The following CLMN variants were observed in gnomAD, a reference collection of about 807,000 sequenced individuals.
CLMN encodes the protein calmin.
A neutral mutation model predicts 92.7 loss-of-function variants in CLMN; 57 were observed. The observed-to-expected ratio is 0.61, with a 90% CI of 0.50 to 0.77. The LOEUF (loss-of-function observed/expected upper bound fraction) is 0.77. Among genes scored for constraint, CLMN ranks in the 30% least tolerant of loss-of-function variants. The pLI is 0.00. For synonymous variants in CLMN, 466 were observed against 470.6 expected, an observed-to-expected ratio of 0.99 and a Z score of 0.13; for missense variants, 1,158 against 1,237.5, an observed-to-expected ratio of 0.94 and a Z score of 0.96.
At chr14:95,241,685 G>C (rs530510967) in intron 1 of CLMN, among the ~76,000 whole-genome samples, 3 of 152,354 alleles carry the variant, frequency 2.0e-5, no homozygotes, top group South Asian at 2.1e-4. Flanking sequence ...GGCTGCGTAA[G>C]CTGGAGCCAG....
Position 95,196,445 on chromosome 14 carries a change from ACT to A in CLMN, c.2708+51_2708+52del, listed in dbSNP as rs879044608. The A allele has an allele frequency of 2.9e-5, 44 of 1,539,502 alleles. No homozygotes were observed. The South Asian group carries it at 5.1e-4, about 18-fold the overall frequency. On this transcript the variant is annotated intron_variant, in intron 10 of 12. Transcript: ENST00000298912. ...CCCATCAAATCAGAAACTGCAAATA[ACT>A]CTCTAACTCTCTGGCTCCACCTTAC...
At chr14:95,267,998 G>C (rs1279056046) in intron 1 of CLMN, among the ~76,000 whole-genome samples, 1 of 152,146 alleles carries the variant, frequency 6.6e-6, no homozygotes, top group Non-Finnish European at 1.5e-5. Context: ...TGAATTTATG[G>C]TTATCAGAGG....
chr14:95,303,412 C>T (rs1481687955), intron 1 of CLMN, among the ~76,000 whole-genome samples: 1 of 152,208 alleles, frequency 6.6e-6, no homozygotes, highest in Non-Finnish European at 1.5e-5. Flanking sequence ...ACCCCTGCCA[C>T]GCCAAGCTCA....
chr14:95,275,906 G>A (rs777178203), intron 1 of CLMN, among the ~76,000 whole-genome samples: 8 of 151,760 alleles, frequency 5.3e-5, no homozygotes, highest in Non-Finnish European at 8.8e-5. Context: ...CAAGTGATCC[G>A]CCCACCTCAG....
chr14:95,313,494 G>A (rs989069768), intron 1 of CLMN, among the ~76,000 whole-genome samples: 1 of 152,252 alleles, frequency 6.6e-6, no homozygotes, highest in African/African-American at 2.4e-5. Flanking sequence ...GTGGGCCGTA[G>A]TTTGCAAATC....
chr14:95,222,631 G>C, intron 3 of CLMN: 1 of 455,840 alleles, frequency 2.2e-6, no homozygotes, highest in Non-Finnish European at 4.4e-6. Flanking sequence ...TCTGTGCTGG[G>C]AGCATAAACA....
At chr14:95,207,752 G>C (rs1182742854) in intron 8 of CLMN, among the ~76,000 whole-genome samples, 1 of 152,218 alleles carries the variant, frequency 6.6e-6, no homozygotes, top group African/African-American at 2.4e-5. Flanking sequence ...ACAGCGCCCT[G>C]TAAGGGGTCC....
chr14:95,245,290 T>C (rs1300748843), intron 1 of CLMN, among the ~76,000 whole-genome samples: 1 of 83,786 alleles, frequency 1.2e-5, no homozygotes, highest in Non-Finnish European at 2.1e-5. Context: ...ATAGTTTTGT[T>C]TTGTTTTATT....
At position 95,204,281 on chromosome 14, in the gene CLMN, G is replaced by C. The variant is rs151131323; in HGVS notation, c.1068C>G (p.Pro356=). ...CCAGGCGGAATTCCTTCATGCTCTC[G>C]GGCTTGTCACAGACAAAGACTTTGG... is the stretch of plus-strand genomic sequence containing the variant. ...PPSKVFVCDK[P]ESMKEFRLDG... Residue 356 remains proline (P), a synonymous_variant, in exon 9 of 13, where the codon CCC becomes CCG. Transcript: ENST00000298912. 4.1e-5 allele frequency: 66 copies of C among 1,613,924 alleles called. No individual in the cohort carries two copies. The highest frequency in any genetic ancestry group is 5.6e-5 in the Non-Finnish European group (66 of 1,179,992).
chr14:95,230,278 G>T (rs545335421), intron 1 of CLMN, 145 bp from the exon 2 acceptor site: 72 of 726,274 alleles, frequency 9.9e-5, no homozygotes, highest in African/African-American at 9.6e-4. Context: ...TCTGGAAGGG[G>T]TTGGCAACGC....
rs375753894 is a variant in CLMN at position 95,193,899 on chromosome 14, C to G, written c.2790G>C (p.Gln930His). Residue 930 changes from glutamine (Q) to histidine (H), a missense_variant, in exon 12 of 13, where the codon CAG (glutamine) becomes CAC (histidine). Coordinates refer to ENST00000298912, the MANE Select transcript of CLMN (RefSeq NM_024734.4). ...CATCCAGATCTGCTGCGTTCCTCAA[C>G]TGAACATAGCTAAAATGATCCTACA... ...SSESDHFSYV[Q>H]LRNAADLDDR... 7.4e-6 allele frequency: 12 copies of G among 1,614,138 alleles called. No homozygotes were observed. Among genetic ancestry groups the G allele is most frequent in the Non-Finnish European group, 8.5e-6 (10 of 1,180,038 alleles).
chr14:95,227,849 C>T (rs1037699392), intron 2 of CLMN, among the ~76,000 whole-genome samples: 1 of 152,214 alleles, frequency 6.6e-6, no homozygotes, highest in Non-Finnish European at 1.5e-5. Flanking sequence ...TTCTGACAGC[C>T]TTCAAATTGC....
intron 1 of CLMN, among the ~76,000 whole-genome samples, chr14:95,285,595 G>A (rs568364768): frequency 3.7e-4 from 57 of 152,280 alleles, no homozygotes; most frequent in African/African-American, 1.2e-3. Flanking sequence ...CCCTAGACAC[G>A]TATGACAGGC....
intron 1 of CLMN, among the ~76,000 whole-genome samples, chr14:95,273,140 T>C (rs1335505630): frequency 1.3e-5 from 2 of 152,150 alleles, no homozygotes; most frequent in Non-Finnish European, 2.9e-5. Context: ...CTGCAAATTA[T>C]GATGGAAAGC....
intron 1 of CLMN, among the ~76,000 whole-genome samples, chr14:95,251,610 G>A (rs1156860686): frequency 6.6e-6 from 1 of 152,178 alleles, no homozygotes; most frequent in Non-Finnish European, 1.5e-5. Context: ...GTTTTGTAGA[G>A]GAGGAAACTG....
In CLMN at chr14:95,230,091, A is replaced by G; in HGVS notation, c.125T>C (p.Ile42Thr). 6.2e-7 allele frequency: 1 copy of G among 1,614,208 alleles called. No homozygotes were observed. Among genetic ancestry groups the G allele is most frequent in the Non-Finnish European group, 8.5e-7 (1 of 1,180,014 alleles). ...CATTACCTTTTCTAGATGTAGATTT[A>G]TCCATCGTGTAAAGGTCCTCTTCTG... ...NVQKRTFTRW[I>T]NLHLEKCNPP... The change falls in exon 2 of 13, where the codon ATA (isoleucine) becomes ACA (threonine). Residue 42 changes from isoleucine to threonine, a missense_variant. Ile to Thr is a moderately conservative substitution (Grantham distance 89, BLOSUM62 -1). Transcript: ENST00000298912.
Position 95,306,468 on chromosome 14 carries a change from G to A in CLMN, c.82+13243C>T, listed in dbSNP as rs182371236. Among the ~76,000 whole-genome samples, 175 of 151,858 alleles carry A rather than the reference G, an allele frequency of 1.2e-3. 1 individual carries two copies. The highest frequency in any genetic ancestry group is 2.3e-3 in the Non-Finnish European group (156 of 67,964). ...CAAAAGGCAGAGGTTGCAGTGAGCC[G>A]AGATCATACCACTGCACAGAGACAG... On this transcript the variant is annotated intron_variant, in intron 1 of 12. Coordinates refer to ENST00000298912, the MANE Select transcript of CLMN (RefSeq NM_024734.4).
intron 1 of CLMN, among the ~76,000 whole-genome samples, chr14:95,268,431 T>TA (rs1899565885): frequency 6.6e-6 from 1 of 150,876 alleles, no homozygotes; most frequent in Admixed American, 6.6e-5. Context: ...TTCTTACTGA[T>TA]ACAACATTCT....
rs199927971 is a variant in CLMN at position 95,193,924 on chromosome 14, A to G, written c.2770-5T>C. The G allele has an allele frequency of 9.3e-6, 15 of 1,612,906 alleles. No individual in the cohort carries two copies. In the East Asian group the frequency reaches 2.5e-4, roughly 26 times the overall value. On this transcript the variant is annotated splice_region_variant and splice_polypyrimidine_tract_variant and intron_variant, in intron 11 of 12. Transcript: ENST00000298912. ...CTGAACATAGCTAAAATGATCCTAC[A>G]GTGAAATTTATAAACAAAAGCCCCC...
Sources: gnomAD v4.1 joint callset for allele counts (sites outside exome capture counted in the v4.1 genomes callset) on GRCh38, gnomAD v4.1.1 for gene constraint, MANE v1.5 for transcripts, NCBI Gene and HGNC (gene_info 2026-07-23, HGNC 2026-07-21) for gene names.